TNRC6C: variants seen among roughly 807,000 people sequenced by gnomAD.
The protein encoded by TNRC6C is trinucleotide repeat-containing gene 6C protein.
TNRC6C carries 20 observed loss-of-function variants against 153.7 expected under a neutral mutation model. The observed-to-expected ratio is 0.13, with a 90% CI of 0.09 to 0.19. The LOEUF (loss-of-function observed/expected upper bound fraction) is 0.19. Among genes scored for constraint, TNRC6C ranks in the 10% least tolerant of loss-of-function variants. The pLI is 1.00. For synonymous variants in TNRC6C, 811 were observed against 841.4 expected (o/e 0.96, Z 0.63); for missense variants, 1,987 against 2,172.0 (o/e 0.91, Z 1.69).
intron 1 of TNRC6C, among the ~76,000 whole-genome samples, chr17:77,967,407 G>C (rs540077697): frequency 1.8e-4 from 28 of 152,130 alleles, no homozygotes; most frequent in Non-Finnish European, 3.2e-4. Flanking sequence ...CATGCGGGGG[G>C]GGAGAGAAGA....
chr17:78,025,046 C>T (rs1230769722), intron 1 of TNRC6C, among the ~76,000 whole-genome samples: 1 of 152,098 alleles, frequency 6.6e-6, no homozygotes, highest in Non-Finnish European at 1.5e-5. Flanking sequence ...CCACCGCAGC[C>T]TCCCGAAGTG....
At chr17:77,964,446 G>A (rs958366891) in intron 1 of TNRC6C, among the ~76,000 whole-genome samples, 5 of 152,180 alleles carry the variant, frequency 3.3e-5, no homozygotes. Flanking sequence ...TGGTGCCCAG[G>A]TGGTTATTGG....
chr17:77,978,680 A>C (rs1214283009), intron 1 of TNRC6C, among the ~76,000 whole-genome samples: 3 of 152,112 alleles, frequency 2.0e-5, no homozygotes, highest in Non-Finnish European at 4.4e-5. Flanking sequence ...TTTTCAATAG[A>C]TGTCAGAGGC....
At position 78,072,426 on chromosome 17, in the gene TNRC6C, A is replaced by AT. The variant is rs538840741; in HGVS notation, c.2860-610dup. Reference sequence around the variant, plus strand: ...GCTCTGCACTCCGACAGTGACTGACATAGTTGCTGGGACTAGAGAGAGACA... The same window carrying AT: ...GCTCTGCACTCCGACAGTGACTGACATTAGTTGCTGGGACTAGAGAGAGACA... On this transcript the variant is annotated intron_variant, in intron 6 of 19. Coordinates refer to ENST00000301624, the Ensembl canonical transcript of TNRC6C. 1.0e-3 allele frequency among the ~76,000 whole-genome samples: 159 copies of AT among 152,378 alleles called. 1 individual carries two copies. The highest frequency in any genetic ancestry group is 3.6e-3 in the African/African-American group (150 of 41,592).
intron 1 of TNRC6C, among the ~76,000 whole-genome samples, chr17:78,018,060 A>G (rs147306142): frequency 1.6e-4 from 25 of 152,330 alleles, no homozygotes; most frequent in Non-Finnish European, 3.1e-4. Flanking sequence ...CTTCTACTAT[A>G]TGATAAACTA....
In TNRC6C at chr17:78,079,110, A is replaced by C. The variant is rs989060534; in HGVS notation, c.3211-285A>C. On this transcript the variant is annotated intron_variant, in intron 9 of 19. Transcript: ENST00000301624. The surrounding 1 kb of genome is among the most constrained non-coding windows in gnomAD (Gnocchi z 4.3). ...CATCTAAAAAAAAAAAAAGCCAGGCATAGTGGCGGGGGTCTGTAATCCCAG... is the reference window on the plus strand; with the variant it reads ...CATCTAAAAAAAAAAAAAGCCAGGCCTAGTGGCGGGGGTCTGTAATCCCAG... Among the ~76,000 whole-genome samples, 3 of 150,842 alleles carry C rather than the reference A, an allele frequency of 2.0e-5. No individual in the cohort carries two copies. The highest frequency in any genetic ancestry group is 7.3e-5 in the African/African-American group (3 of 41,086).
chr17:78,049,057 A>C lies in TNRC6C; in HGVS notation c.-6A>C, dbSNP rs2072464925. The C allele has an allele frequency of 6.6e-7, 1 of 1,517,462 alleles. No individual in the cohort carries two copies. The allele number at this position is 1,517,462 out of a possible 1,614,324, so 94.0% of individuals were successfully genotyped here. A position where few individuals can be genotyped will look rare whatever the true frequency, so the allele number is the denominator to read the frequency against. ...TGCCTCCAACTGTGGCTCAGAGAACAGTAGCATGGCTACAGGGAGTGCCCA... is the reference window on the plus strand; with the variant it reads ...TGCCTCCAACTGTGGCTCAGAGAACCGTAGCATGGCTACAGGGAGTGCCCA... On this transcript the variant is annotated 5_prime_UTR_variant, in exon 3 of 20. Coordinates refer to ENST00000301624, the Ensembl canonical transcript of TNRC6C. The surrounding 1 kb of genome is among the most constrained non-coding windows in gnomAD (Gnocchi z 4.1).
At chr17:78,103,320 T>C (rs1265525652) in intron 18 of TNRC6C, 94 bp from the exon 22 acceptor site, 2 of 1,437,436 alleles carry the variant, frequency 1.4e-6, no homozygotes, top group African/African-American at 1.4e-5. Flanking sequence ...TCCTAGTGTT[T>C]AGTGTATCCA....
chr17:77,973,260 C>T (rs1875143163), intron 1 of TNRC6C, among the ~76,000 whole-genome samples: 6 of 151,220 alleles, frequency 4.0e-5, no homozygotes, highest in Admixed American at 3.9e-4. Context: ...TCAATAAATG[C>T]AGAAAAAGCA....
intron 17 of TNRC6C, among the ~76,000 whole-genome samples, chr17:78,100,828 T>C (rs980726618): frequency 7.3e-6 from 1 of 137,076 alleles, no homozygotes; most frequent in Non-Finnish European, 1.5e-5. Flanking sequence ...CAGGCCGGAG[T>C]ACAGTGGCGT....
intron 1 of TNRC6C, among the ~76,000 whole-genome samples, chr17:78,017,013 G>A (rs1178847369): frequency 6.6e-6 from 1 of 152,152 alleles, no homozygotes; most frequent in Admixed American, 6.5e-5. Flanking sequence ...TGTAGCTACT[G>A]CACTCCCTCT....
chr17:78,104,788 C>A lies in TNRC6C; in HGVS notation c.5016C>A (p.Ser1672Arg). The change falls in exon 20 of 20, where the codon AGC becomes AGA. Residue 1672 changes from serine to arginine, a missense_variant. Physicochemically the swap from Ser to Arg is moderately radical, Grantham distance 110. Around this residue, in one of 4 missense-constraint regions of TNRC6C, gnomAD observed 139 missense variants for 148.5 expected, o/e 0.94. Transcript: ENST00000301624. This position sits in a 1 kb window ranked among gnomAD's most constrained non-coding sequence, Gnocchi z 6.2. ...CCGACGACAGCAGGGTGATAGGCAGCCCCACGCCGCTAACCACCCTGCTGC... is the reference window on the plus strand; with the variant it reads ...CCGACGACAGCAGGGTGATAGGCAGACCCACGCCGCTAACCACCCTGCTGC... 1.4e-6 allele frequency: 2 copies of A among 1,450,812 alleles called. No homozygotes were observed. The highest frequency in any genetic ancestry group is 1.8e-6 in the Non-Finnish European group (2 of 1,101,294). 89.9% of individuals were successfully genotyped at this position (1,450,812 alleles called of 1,614,324 possible).
intron 2 of TNRC6C, among the ~76,000 whole-genome samples, chr17:78,043,582 A>T (rs1314859136): frequency 6.6e-6 from 1 of 152,136 alleles, no homozygotes; most frequent in East Asian, 1.9e-4. Flanking sequence ...AAATAATCCT[A>T]TTATACTCTT....
intron 3 of TNRC6C, among the ~76,000 whole-genome samples, chr17:78,053,097 C>A (rs1486766156): frequency 6.6e-6 from 1 of 152,168 alleles, no homozygotes; most frequent in Non-Finnish European, 1.5e-5. Flanking sequence ...ACGTTGCCCC[C>A]CGACCCCTGA....
intron 1 of TNRC6C, among the ~76,000 whole-genome samples, chr17:78,009,716 A>G (rs932545893): frequency 2.0e-5 from 3 of 151,834 alleles, no homozygotes; most frequent in Non-Finnish European, 2.9e-5. Context: ...CACCATGCCC[A>G]GCTAATTTTT....
At chr17:78,007,328 C>CT (rs1370930983) in intron 1 of TNRC6C, among the ~76,000 whole-genome samples, 3 of 152,188 alleles carry the variant, frequency 2.0e-5, no homozygotes, top group Non-Finnish European at 4.4e-5. Flanking sequence ...TATAAATAAT[C>CT]TAACAGTACT....
chr17:77,972,992 G>T (rs767479121), intron 1 of TNRC6C, among the ~76,000 whole-genome samples: 1 of 152,090 alleles, frequency 6.6e-6, no homozygotes, highest in African/African-American at 2.4e-5. Flanking sequence ...CACAACCTCC[G>T]CCTCCCAGGT....
chr17:77,963,104 A>G (rs1487210751), intron 1 of TNRC6C, among the ~76,000 whole-genome samples: 3 of 152,216 alleles, frequency 2.0e-5, no homozygotes, highest in Non-Finnish European at 4.4e-5. Flanking sequence ...ATATACAATA[A>G]GCTTTCTTTA....
chr17:77,959,635 C>T (rs910264770), intron 1 of TNRC6C, among the ~76,000 whole-genome samples: 3 of 152,024 alleles, frequency 2.0e-5, no homozygotes, highest in Non-Finnish European at 2.9e-5. Context: ...CGCGAACCCG[C>T]CGTGTTTTGG....
Sources: allele counts gnomAD v4.1 joint callset (sites outside exome capture counted in the v4.1 genomes callset), GRCh38; gene constraint gnomAD v4.1.1; regional missense constraint gnomAD v4.1.1; non-coding constraint Gnocchi (gnomAD v3.1); transcripts MANE v1.5; gene names NCBI Gene and HGNC (gene_info 2026-07-23, HGNC 2026-07-21).